THRB: variants seen among roughly 807,000 people sequenced by gnomAD.
THRB encodes the protein nuclear receptor subfamily 1 group A member 2.
Under a neutral mutation model 47.8 loss-of-function variants are expected in THRB, and 12 were observed. That is an observed-to-expected ratio of 0.25 (90% CI 0.16 to 0.41). The LOEUF is 0.41. THRB is among the 10% of genes least tolerant of loss of function. THRB has a pLI of 1.00. For missense variants in THRB, 348 were observed against 589.2 expected (o/e 0.59, Z 4.24); for synonymous variants, 218 against 212.2 (o/e 1.03, Z -0.24).
intron 1 of THRB, among the ~76,000 whole-genome samples, chr3:24,469,857 A>C (rs530435341): frequency 1.2e-4 from 18 of 152,340 alleles, no homozygotes; most frequent in Non-Finnish European, 2.9e-5. Flanking sequence ...AATCTTTTAG[A>C]ATCTGCATAA....
intron 2 of THRB, among the ~76,000 whole-genome samples, chr3:24,312,703 G>T (rs1053821140): frequency 2.0e-5 from 3 of 152,308 alleles, no homozygotes; most frequent in Non-Finnish European, 2.9e-5. Flanking sequence ...CTCAGCCATG[G>T]TGAGTGAGGG....
At chr3:24,377,985 T>C (rs1248987552) in intron 1 of THRB, among the ~76,000 whole-genome samples, 1 of 152,164 alleles carries the variant, frequency 6.6e-6, no homozygotes, top group East Asian at 1.9e-4. Context: ...AAGAAAAAGC[T>C]CATATAGCCT....
At chr3:24,444,289 G>A (rs2125442857) in intron 1 of THRB, among the ~76,000 whole-genome samples, 1 of 151,978 alleles carries the variant, frequency 6.6e-6, no homozygotes, top group African/African-American at 2.4e-5. Context: ...AAACTCAGGA[G>A]AACTAAGTGA....
In THRB at chr3:24,146,693, C is replaced by T; in HGVS notation, c.514G>A (p.Val172Ile). The T allele has an allele frequency of 6.2e-7, 1 of 1,614,172 alleles. No individual in the cohort carries two copies. Among genetic ancestry groups the T allele is most frequent in the South Asian group, 1.1e-5 (1 of 91,086 alleles). ...TACTTACAATCTGTTGCCATGCCAA[C>T]ATAGATGCATTTCTTAAAGCGACAT... ...QECRFKKCIY[V>I]GMATDLVLDD... Residue 172 changes from valine (V) to isoleucine (I), a missense_variant, in exon 7 of 11, where the codon GTT becomes ATT. Val to Ile is a conservative substitution (Grantham distance 29, BLOSUM62 3). Transcript: ENST00000646209.
At chr3:24,148,943 T>G (rs2036509097) in intron 6 of THRB, among the ~76,000 whole-genome samples, 1 of 152,230 alleles carries the variant, frequency 6.6e-6, no homozygotes, top group Admixed American at 6.5e-5. Flanking sequence ...CCTAAGCACT[T>G]GAGTCCATTA....
At chr3:24,307,115 A>G (rs2057401210) in intron 2 of THRB, among the ~76,000 whole-genome samples, 1 of 152,002 alleles carries the variant, frequency 6.6e-6, no homozygotes, top group Admixed American at 6.5e-5. Context: ...ATTAAACTAA[A>G]CAAGTATATA....
intron 3 of THRB, among the ~76,000 whole-genome samples, chr3:24,294,099 T>G (rs1311660925): frequency 6.6e-6 from 1 of 152,228 alleles, no homozygotes; most frequent in East Asian, 1.9e-4. Context: ...GGCTTGAGAC[T>G]ATGTTTTAAG....
chr3:24,290,796 G>A (rs539672581), intron 3 of THRB, among the ~76,000 whole-genome samples: 33 of 152,288 alleles, frequency 2.2e-4, no homozygotes, highest in African/African-American at 7.0e-4. Context: ...CAAAGCAGTC[G>A]TCTAGCCCTA....
At chr3:24,150,449 G>A (rs1330127530) in intron 6 of THRB, among the ~76,000 whole-genome samples, 2 of 152,078 alleles carry the variant, frequency 1.3e-5, no homozygotes. Context: ...CCTAGAAACA[G>A]GATTCTGACC....
intron 4 of THRB, among the ~76,000 whole-genome samples, chr3:24,219,719 A>G (rs2046966072): frequency 6.6e-6 from 1 of 152,188 alleles, no homozygotes; most frequent in Admixed American, 6.5e-5. Context: ...AAAAAACAAA[A>G]CCCTCTACAT....
At chr3:24,207,136 C>T (rs1559600210) in intron 4 of THRB, among the ~76,000 whole-genome samples, 1 of 152,192 alleles carries the variant, frequency 6.6e-6, no homozygotes. Context: ...TCCTCCCTAA[C>T]TTATTTTATG....
At chr3:24,185,083 A>G (rs1203282109) in intron 5 of THRB, among the ~76,000 whole-genome samples, 9 of 152,176 alleles carry the variant, frequency 5.9e-5, no homozygotes, top group Admixed American at 5.9e-4. Context: ...TGTCTTTATG[A>G]AGAGCATGAA....
intron 5 of THRB, among the ~76,000 whole-genome samples, chr3:24,173,073 G>C (rs1045659018): frequency 6.6e-6 from 1 of 152,186 alleles, no homozygotes; most frequent in Non-Finnish European, 1.5e-5. Context: ...AGCAGCATTA[G>C]CATATCCTGG....
intron 3 of THRB, among the ~76,000 whole-genome samples, chr3:24,287,112 T>C (rs1362478559): frequency 3.9e-5 from 6 of 152,170 alleles, no homozygotes; most frequent in African/African-American, 1.4e-4. Context: ...CTACCACCAC[T>C]TGCAGACCCA....
intron 1 of THRB, among the ~76,000 whole-genome samples, chr3:24,487,742 C>G (rs1697524119): frequency 6.6e-6 from 1 of 152,194 alleles, no homozygotes; most frequent in Admixed American, 6.5e-5. Context: ...GAGAACATGA[C>G]ACACACTTGT....
intron 3 of THRB, among the ~76,000 whole-genome samples, chr3:24,258,866 A>G (rs991908739): frequency 4.6e-5 from 7 of 152,216 alleles, no homozygotes; most frequent in Admixed American, 3.3e-4. Flanking sequence ...GGTCACTCTG[A>G]CTGGAGGCCC....
At chr3:24,238,257 G>C (rs1398717168) in intron 3 of THRB, among the ~76,000 whole-genome samples, 17 of 91,210 alleles carry the variant, frequency 1.9e-4, no homozygotes, top group Non-Finnish European at 3.2e-4. Context: ...AAGAGGGTGT[G>C]TGTGTATGTG....
At chr3:24,364,618 A>C (rs2064320940) in intron 1 of THRB, among the ~76,000 whole-genome samples, 1 of 152,166 alleles carries the variant, frequency 6.6e-6, no homozygotes, top group African/African-American at 2.4e-5. Context: ...CTAATTCCAA[A>C]GCCCAAAATC....
chr3:24,147,123 T>C (rs2036201655), intron 6 of THRB, among the ~76,000 whole-genome samples: 1 of 152,180 alleles, frequency 6.6e-6, no homozygotes, highest in Non-Finnish European at 1.5e-5. Flanking sequence ...AAATATTGAA[T>C]ATATAAGTAA....
Sources: gnomAD v4.1 joint callset for allele counts (sites outside exome capture counted in the v4.1 genomes callset) on GRCh38, gnomAD v4.1.1 for gene constraint, MANE v1.5 for transcripts, NCBI Gene and HGNC (gene_info 2026-07-23, HGNC 2026-07-21) for gene names.